BCKDHB: variants seen among roughly 807,000 people sequenced by gnomAD.
BCKDHB encodes the protein branched chain keto acid dehydrogenase E1 subunit beta, also known as 2-oxoisovalerate dehydrogenase subunit beta, mitochondrial.
A neutral mutation model predicts 48.5 loss-of-function variants in BCKDHB; 41 were observed. The observed-to-expected ratio is 0.85, with a 90% CI of 0.66 to 1.10. BCKDHB has a LOEUF of 1.10. Ranked by LOEUF, BCKDHB falls within the 50% of genes least tolerant of loss-of-function variation. The pLI, the probability that BCKDHB is intolerant of heterozygous loss-of-function variation, is 0.00. For synonymous variants in BCKDHB, 201 were observed against 174.8 expected (o/e 1.15, Z -1.18); for missense variants, 496 against 494.2 (o/e 1.00, Z -0.03).
intron 9 of BCKDHB, among the ~76,000 whole-genome samples, chr6:80,308,433 A>C (rs1767982491): frequency 6.6e-6 from 1 of 152,202 alleles, no homozygotes; most frequent in African/African-American, 2.4e-5. Flanking sequence ...TTTATTATTA[A>C]TGTAAAGTGT....
At chr6:80,207,470 TATGA>T (rs1227477045) in intron 8 of BCKDHB, among the ~76,000 whole-genome samples, 1 of 151,576 alleles carries the variant, frequency 6.6e-6, no homozygotes, top group Non-Finnish European at 1.5e-5. Context: ...AATAAATAAG[TATGA>T]AAAATGGATG....
Position 80,146,567 on chromosome 6 carries a change from G to A in BCKDHB, c.343+17338G>A, listed in dbSNP as rs139903063. Among the ~76,000 whole-genome samples, 241 of 152,228 alleles carry A rather than the reference G, an allele frequency of 1.6e-3. 1 individual carries two copies. The highest frequency in any genetic ancestry group is 5.6e-3 in the African/African-American group (232 of 41,542). ...AGAATGGGACTGGAGACAACCTGAAGAAAATGTTGGAAGCTGGAAGGTAAA... is the reference window on the plus strand; with the variant it reads ...AGAATGGGACTGGAGACAACCTGAAAAAAATGTTGGAAGCTGGAAGGTAAA... On this transcript the variant is annotated intron_variant, in intron 3 of 9. Transcript: ENST00000320393.
the BCKDHB span, among the ~76,000 whole-genome samples, chr6:80,362,686 CAA>C: frequency 6.6e-6 from 1 of 152,042 alleles, no homozygotes; most frequent in African/African-American, 2.4e-5. Context: ...TTATTCTCTG[CAA>C]AAGAGCAGAA....
chr6:80,272,406 A>G (rs1218930489), intron 8 of BCKDHB, among the ~76,000 whole-genome samples: 2 of 152,152 alleles, frequency 1.3e-5, no homozygotes, highest in Admixed American at 6.6e-5. Context: ...ATTTTAAGCA[A>G]TAACCTGCTG....
chr6:80,254,720 A>G (rs1179145152), intron 8 of BCKDHB, among the ~76,000 whole-genome samples: 3 of 152,120 alleles, frequency 2.0e-5, no homozygotes, highest in Non-Finnish European at 4.4e-5. Flanking sequence ...ACAACACAAT[A>G]AAACAAAACC....
the BCKDHB span, among the ~76,000 whole-genome samples, chr6:80,387,755 A>G: frequency 6.6e-6 from 1 of 152,248 alleles, no homozygotes; most frequent in Non-Finnish European, 1.5e-5. Context: ...TCAAGGGTAT[A>G]TCAACTCTCT....
intron 8 of BCKDHB, among the ~76,000 whole-genome samples, chr6:80,213,354 T>C (rs760567500): frequency 6.6e-6 from 1 of 152,220 alleles, no homozygotes; most frequent in Non-Finnish European, 1.5e-5. Flanking sequence ...AGGAACAATT[T>C]ATCTACTTTG....
chr6:80,286,008 A>C (rs985177795), intron 9 of BCKDHB, among the ~76,000 whole-genome samples: 2 of 152,062 alleles, frequency 1.3e-5, no homozygotes. Flanking sequence ...TTAACTTTTC[A>C]ACCTGAAGAA....
intron 2 of BCKDHB, among the ~76,000 whole-genome samples, chr6:80,128,738 C>T (rs1190760572): frequency 1.3e-5 from 2 of 152,146 alleles, no homozygotes; most frequent in South Asian, 2.1e-4. Flanking sequence ...TCTCTGGTCT[C>T]GTTTTCTTCA....
chr6:80,390,900 A>T, the BCKDHB span, among the ~76,000 whole-genome samples: 1 of 150,996 alleles, frequency 6.6e-6, no homozygotes, highest in Non-Finnish European at 1.5e-5. Context: ...CCCACCCTTA[A>T]TCGAGTGGGC....
At chr6:80,159,846 G>C (rs1772226986) in intron 3 of BCKDHB, among the ~76,000 whole-genome samples, 1 of 152,202 alleles carries the variant, frequency 6.6e-6, no homozygotes, top group Non-Finnish European at 1.5e-5. Flanking sequence ...GACCTGAGCT[G>C]TTTCCCTGAT....
chr6:80,340,484 G>T (rs1004720858), intron 9 of BCKDHB, among the ~76,000 whole-genome samples: 1 of 152,106 alleles, frequency 6.6e-6, no homozygotes, highest in Non-Finnish European at 1.5e-5. Flanking sequence ...GACCATAAAC[G>T]AACACTCCCC....
chr6:80,353,332 A>G, the BCKDHB span, among the ~76,000 whole-genome samples: 5 of 152,196 alleles, frequency 3.3e-5, no homozygotes, highest in African/African-American at 1.2e-4. Context: ...ATATAGTGCT[A>G]TGATAAACAC....
At chr6:80,312,661 G>A in intron 9 of BCKDHB, among the ~76,000 whole-genome samples, 1 of 152,100 alleles carries the variant, frequency 6.6e-6, no homozygotes, top group East Asian at 1.9e-4. Flanking sequence ...TTTTATTGAA[G>A]GCTTTTTCTG....
intron 9 of BCKDHB, among the ~76,000 whole-genome samples, chr6:80,296,133 A>G (rs1013667229): frequency 6.6e-6 from 1 of 152,204 alleles, no homozygotes; most frequent in African/African-American, 2.4e-5. Flanking sequence ...TCACCTGTCT[A>G]TGAGAGTCCT....
At chr6:80,406,400 T>C in the BCKDHB span, among the ~76,000 whole-genome samples, 1 of 152,234 alleles carries the variant, frequency 6.6e-6, no homozygotes, top group Non-Finnish European at 1.5e-5. Flanking sequence ...CAAATGGTAT[T>C]TCTAGTTCTA....
chr6:80,272,758 A>C (rs1337740035), intron 8 of BCKDHB, among the ~76,000 whole-genome samples: 1 of 152,206 alleles, frequency 6.6e-6, no homozygotes. Context: ...GTGCAAACAA[A>C]TGAATAAAAA....
At chr6:80,111,309 G>A (rs1220625893) in intron 1 of BCKDHB, among the ~76,000 whole-genome samples, 2 of 152,144 alleles carry the variant, frequency 1.3e-5, no homozygotes, top group Non-Finnish European at 2.9e-5. Context: ...CCTGAACAGG[G>A]GCAGTGAGGA....
intron 9 of BCKDHB, among the ~76,000 whole-genome samples, chr6:80,320,255 T>A (rs1443083814): frequency 2.6e-5 from 4 of 152,198 alleles, no homozygotes; most frequent in Non-Finnish European, 5.9e-5. Flanking sequence ...TTTAAAAAAA[T>A]TTTTGTGTTC....
Sources: gnomAD v4.1 joint callset for allele counts (sites outside exome capture counted in the v4.1 genomes callset) on GRCh38, gnomAD v4.1.1 for gene constraint, MANE v1.5 for transcripts, NCBI Gene and HGNC (gene_info 2026-07-23, HGNC 2026-07-21) for gene names.